The following PAWR variants were observed in gnomAD, a reference collection of about 807,000 sequenced individuals.
The protein encoded by PAWR is pro-apoptotic WT1 regulator.
In PAWR, 23 loss-of-function variants were observed where a neutral mutation model predicts 32.0. The observed-to-expected ratio is 0.72, with a 90% CI of 0.52 to 1.02. The LOEUF (loss-of-function observed/expected upper bound fraction) is 1.02, where lower values mean the gene tolerates loss of function less well. Ranked by LOEUF, PAWR falls within the 50% of genes least tolerant of loss-of-function variation. The pLI, the probability that PAWR is intolerant of heterozygous loss-of-function variation, is 0.00. For synonymous variants in PAWR, 226 were observed against 187.1 expected (o/e 1.21, Z -1.70); for missense variants, 457 against 437.7 (o/e 1.04, Z -0.39).
intron 2 of PAWR, among the ~76,000 whole-genome samples, chr12:79,660,048 G>A (rs1877275929): frequency 6.6e-6 from 1 of 152,152 alleles, no homozygotes; most frequent in Admixed American, 6.5e-5. Flanking sequence ...TTAGTGCCAG[G>A]CCCATATTAA....
At chr12:79,685,094 T>C (rs1403417067) in intron 2 of PAWR, among the ~76,000 whole-genome samples, 2 of 152,220 alleles carry the variant, frequency 1.3e-5, no homozygotes, top group Admixed American at 6.5e-5. Context: ...AATTATGTAA[T>C]TATTATTTTT....
At chr12:79,648,793 G>GA (rs376381774) in intron 2 of PAWR, among the ~76,000 whole-genome samples, 3,288 of 120,292 alleles carry the variant, frequency 0.027, 46 homozygotes, top group African/African-American at 0.045. Context: ...ACAGGGGCTA[G>GA]AAAAAAAAAA....
rs780521143 is a variant in PAWR, at chr12:79,588,643, A to G, written c.*3964T>C. Reference sequence around the variant, plus strand: ...TGCACTATATAGATCGTACACTACTAGATGGAAAGTTGGTCCATGTCCATT... The same window carrying G: ...TGCACTATATAGATCGTACACTACTGGATGGAAAGTTGGTCCATGTCCATT... On this transcript the variant is annotated 3_prime_UTR_variant, in exon 7 of 7. Transcript: ENST00000328827. 7 of 152,116 alleles carry G rather than the reference A, an allele frequency of 4.6e-5. No homozygotes were observed. The highest frequency in any genetic ancestry group is 1.3e-4 in the Admixed American group (2 of 15,284). 9.4% of individuals were successfully genotyped at this position (152,116 alleles called of 1,614,324 possible).
rs747955874 is a variant in PAWR at position 79,650,376 on chromosome 12, G to C, written c.517-29169C>G. On this transcript the variant is annotated intron_variant, in intron 2 of 6. Transcript: ENST00000328827. ...CAAAACTGCTAGTTATTAAATTTTT[G>C]GTTTTTTATTCCCAATGGGTGCATG... 1.5e-3 allele frequency among the ~76,000 whole-genome samples: 223 copies of C among 152,184 alleles called. 1 individual carries two copies. The highest frequency in any genetic ancestry group is 2.6e-3 in the Non-Finnish European group (177 of 68,008).
chr12:79,682,946 A>G (rs149388652), intron 2 of PAWR, among the ~76,000 whole-genome samples: 165 of 152,366 alleles, frequency 1.1e-3, no homozygotes, highest in African/African-American at 3.8e-3. Flanking sequence ...TGAGTTGCTA[A>G]TTATCAAATA....
chr12:79,689,700 G>C, intron 2 of PAWR, 29 bp downstream of exon 2: 2 of 1,531,644 alleles, frequency 1.3e-6, no homozygotes, highest in Non-Finnish European at 1.7e-6. Flanking sequence ...GCCCCGGCCC[G>C]GTCCGGCTGC....
chr12:79,624,880 G>C (rs2136725412), intron 2 of PAWR, among the ~76,000 whole-genome samples: 1 of 152,224 alleles, frequency 6.6e-6, no homozygotes, highest in East Asian at 1.9e-4. Context: ...AAATGTGTTA[G>C]AAAGGCTTAT....
intron 2 of PAWR, among the ~76,000 whole-genome samples, chr12:79,647,210 G>A (rs1306555038): frequency 6.6e-6 from 1 of 151,354 alleles, no homozygotes; most frequent in Non-Finnish European, 1.5e-5. Context: ...AGAAATGGCA[G>A]TAGTATGTGA....
chr12:79,603,564 G>C (rs1015358694), intron 4 of PAWR: 1 of 151,192 alleles, frequency 6.6e-6, no homozygotes, highest in African/African-American at 2.4e-5. Flanking sequence ...GTATTTGCTT[G>C]ATGAACATGT....
intron 3 of PAWR, among the ~76,000 whole-genome samples, chr12:79,616,972 A>G (rs769467354): frequency 2.7e-4 from 41 of 152,224 alleles, no homozygotes; most frequent in Non-Finnish European, 4.1e-4. Flanking sequence ...TGAAGCACAC[A>G]GACGACACGA....
intron 2 of PAWR, among the ~76,000 whole-genome samples, chr12:79,663,681 G>A (rs1275213363): frequency 1.3e-5 from 2 of 151,802 alleles, no homozygotes; most frequent in Non-Finnish European, 2.9e-5. Flanking sequence ...AATCACTTGA[G>A]TGCGGGAGGT....
chr12:79,617,863 A>G (rs1874815975), intron 3 of PAWR, among the ~76,000 whole-genome samples: 1 of 152,044 alleles, frequency 6.6e-6, no homozygotes, highest in South Asian at 2.1e-4. Flanking sequence ...AGATCTGGTT[A>G]AGAGTATGGG....
At chr12:79,687,860 T>C (rs1878757624) in intron 2 of PAWR, among the ~76,000 whole-genome samples, 2 of 152,168 alleles carry the variant, frequency 1.3e-5, no homozygotes, top group African/African-American at 4.8e-5. Flanking sequence ...AAGAAGTATG[T>C]CTGTTAATTA....
Position 79,690,082 on chromosome 12 carries a change from C to CG in PAWR, c.162dup (p.Ala55ArgfsTer72), listed in dbSNP as rs1332724929. 2 of 1,429,396 alleles carry CG rather than the reference C, an allele frequency of 1.4e-6. No individual in the cohort carries two copies. The highest frequency in any genetic ancestry group is 1.8e-6 in the Non-Finnish European group (2 of 1,100,478). The allele number at this position is 1,429,396 out of a possible 1,614,324, so 88.5% of individuals were successfully genotyped here. ...GCCGCCGGGGTGCCCAGAGCCCCCG[C>CG]GGGGGGCTTCCCAGCGGCGTCGCTG... On this transcript the variant is annotated frameshift_variant, in exon 2 of 7. Coordinates refer to ENST00000328827, the MANE Select transcript of PAWR (RefSeq NM_002583.4). LOFTEE classifies it high-confidence loss of function.
chr12:79,633,057 G>A (rs746565735), intron 2 of PAWR, among the ~76,000 whole-genome samples: 1 of 151,948 alleles, frequency 6.6e-6, no homozygotes, highest in Admixed American at 6.6e-5. Flanking sequence ...TCCGAGAGGC[G>A]GAGGTTGCAC....
chr12:79,690,388 G>C lies in PAWR; in HGVS notation c.-144C>G. ...GGCCGCCGCTCCCACAGCAGCCGGC[G>C]GGGCTGAGGTGAAAGACAAAAGGGG... On this transcript the variant is annotated 5_prime_UTR_variant, in exon 2 of 7. Transcript: ENST00000328827. 3.0e-6 allele frequency: 4 copies of C among 1,344,160 alleles called. No homozygotes were observed. In the South Asian group the frequency reaches 7.2e-5, roughly 24 times the overall value. 83.3% of individuals were successfully genotyped at this position (1,344,160 alleles called of 1,614,324 possible). A position where few individuals can be genotyped will look rare whatever the true frequency, so the allele number is the denominator to read the frequency against.
At chr12:79,609,538 C>T (rs1874343204) in intron 4 of PAWR, among the ~76,000 whole-genome samples, 2 of 151,888 alleles carry the variant, frequency 1.3e-5, no homozygotes, top group African/African-American at 4.8e-5. Flanking sequence ...CATCCTGTGC[C>T]CATAAAAACC....
intron 4 of PAWR, among the ~76,000 whole-genome samples, chr12:79,607,981 G>A (rs1299632483): frequency 1.6e-4 from 24 of 151,498 alleles, no homozygotes; most frequent in African/African-American, 2.4e-4. Flanking sequence ...CCTGGGAGGC[G>A]GAGGTTGCAG....
At chr12:79,688,080 G>C (rs1489148598) in intron 2 of PAWR, among the ~76,000 whole-genome samples, 1 of 152,062 alleles carries the variant, frequency 6.6e-6, no homozygotes, top group Non-Finnish European at 1.5e-5. Flanking sequence ...AAACATTCCA[G>C]AGTATTAGAC....
Sources: gnomAD v4.1 joint callset for allele counts (sites outside exome capture counted in the v4.1 genomes callset) on GRCh38, gnomAD v4.1.1 for gene constraint, MANE v1.5 for transcripts, NCBI Gene and HGNC (gene_info 2026-07-23, HGNC 2026-07-21) for gene names.